The following SHANK2 variants were observed in gnomAD, a reference collection of about 807,000 sequenced individuals.
SHANK2 encodes the protein SH3 and multiple ankyrin repeat domains protein 2.
Under a neutral mutation model 133.7 loss-of-function variants are expected in SHANK2, and 43 were observed. The observed-to-expected ratio is 0.32, with a 90% CI of 0.25 to 0.41. SHANK2 has a LOEUF of 0.41. SHANK2 is among the 10% of genes least tolerant of loss of function. The probability of loss-of-function intolerance (pLI) is 1.00; values close to 1 mark genes in which losing one functional copy is unlikely to be tolerated. For missense variants in SHANK2, 1,994 were observed against 2,235.8 expected (o/e 0.89, Z 2.18); for synonymous variants, 1,017 against 952.8 (o/e 1.07, Z -1.24).
intron 15 of SHANK2, among the ~76,000 whole-genome samples, chr11:70,669,895 A>T (rs1351407894): frequency 6.6e-6 from 1 of 152,234 alleles, no homozygotes; most frequent in Non-Finnish European, 1.5e-5. Context: ...CGATCAGTGT[A>T]TCACTCACGG....
At chr11:70,885,574 C>T (rs1949726048) in intron 11 of SHANK2, among the ~76,000 whole-genome samples, 2 of 152,198 alleles carry the variant, frequency 1.3e-5, no homozygotes, top group Non-Finnish European at 2.9e-5. Flanking sequence ...AGGGGCTGCG[C>T]AGGAGGCATG....
chr11:71,200,410 G>A (rs1555116896), intron 2 of SHANK2, among the ~76,000 whole-genome samples: 3 of 152,134 alleles, frequency 2.0e-5, no homozygotes, highest in South Asian at 2.1e-4. Context: ...TATAAATAAC[G>A]CTGCCATGAG....
chr11:71,239,407 A>G (rs917734539), intron 1 of SHANK2, among the ~76,000 whole-genome samples: 12 of 152,206 alleles, frequency 7.9e-5, no homozygotes, highest in African/African-American at 2.7e-4. Context: ...TGACTGACTA[A>G]GCTACCTACA....
intron 14 of SHANK2, among the ~76,000 whole-genome samples, chr11:70,711,708 C>T (rs1248184056): frequency 6.6e-6 from 1 of 152,228 alleles, no homozygotes; most frequent in Non-Finnish European, 1.5e-5. Context: ...CTCAGAACTA[C>T]CCAACTGAGA....
chr11:70,695,629 A>C (rs1945376665), intron 15 of SHANK2, among the ~76,000 whole-genome samples: 1 of 152,158 alleles, frequency 6.6e-6, no homozygotes, highest in Non-Finnish European at 1.5e-5. Flanking sequence ...TACTGCCCAC[A>C]GATCAGGCCG....
chr11:70,761,729 C>T (rs1390372085), intron 14 of SHANK2, among the ~76,000 whole-genome samples: 1 of 152,252 alleles, frequency 6.6e-6, no homozygotes, highest in East Asian at 1.9e-4. Flanking sequence ...CTAACAAGCA[C>T]CCAGGTGACC....
At chr11:70,775,698 A>C (rs1006471383) in intron 14 of SHANK2, among the ~76,000 whole-genome samples, 2 of 152,214 alleles carry the variant, frequency 1.3e-5, no homozygotes, top group Non-Finnish European at 2.9e-5. Flanking sequence ...AGGGGGCTAC[A>C]GAGTGTCATC....
intron 10 of SHANK2, chr11:70,948,417 C>A (rs186258818): frequency 4.4e-6 from 2 of 456,292 alleles, no homozygotes; most frequent in Admixed American, 2.4e-5. Flanking sequence ...ATAATGAATT[C>A]GATCCCTGAT....
chr11:70,839,396 C>T (rs1948869826), intron 11 of SHANK2, among the ~76,000 whole-genome samples: 2 of 152,180 alleles, frequency 1.3e-5, no homozygotes, highest in Admixed American at 6.5e-5. Context: ...CGGCAGCCAG[C>T]GCAGTCTCCC....
At chr11:71,252,710 G>A (rs1422087633), upstream of SHANK2, 8 of 150,978 alleles carry the variant, frequency 5.3e-5, no homozygotes, top group Non-Finnish European at 1.2e-4. This position sits in a 1 kb window ranked among gnomAD's most constrained non-coding sequence, Gnocchi z 6.3. Context: ...CCCACGCCGC[G>A]GACCTCAGTC....
intron 20 of SHANK2, among the ~76,000 whole-genome samples, chr11:70,501,546 C>T (rs1029416834): frequency 2.4e-4 from 36 of 152,196 alleles, no homozygotes; most frequent in African/African-American, 7.5e-4. Flanking sequence ...TCAGAGCCAC[C>T]CTCTTTCCAA....
At chr11:71,086,112 GTTATA>G (rs1951404757) in intron 8 of SHANK2, among the ~76,000 whole-genome samples, 3 of 41,726 alleles carry the variant, frequency 7.2e-5, no homozygotes, top group Non-Finnish European at 1.3e-4. Flanking sequence ...AATATATTAT[GTTATA>G]TAATATATTA....
At chr11:70,783,679 A>G (rs1555045741) in intron 14 of SHANK2, among the ~76,000 whole-genome samples, 1 of 150,056 alleles carries the variant, frequency 6.7e-6, no homozygotes, top group East Asian at 2.0e-4. Context: ...GGAGCTGAGG[A>G]GGCAGAGGGG....
chr11:70,754,710 T>C (rs782175081), intron 14 of SHANK2, among the ~76,000 whole-genome samples: 3 of 152,148 alleles, frequency 2.0e-5, no homozygotes, highest in Non-Finnish European at 4.4e-5. Context: ...CTGACATTAC[T>C]TGAATACCAT....
At chr11:70,612,110 T>C (rs1349916103) in intron 17 of SHANK2, among the ~76,000 whole-genome samples, 1 of 152,040 alleles carries the variant, frequency 6.6e-6, no homozygotes, top group Non-Finnish European at 1.5e-5. Flanking sequence ...GGTGGGGAAG[T>C]TGCCTGCGAC....
At chr11:70,658,779 G>A (rs1671327747) in intron 17 of SHANK2, among the ~76,000 whole-genome samples, 1 of 152,170 alleles carries the variant, frequency 6.6e-6, no homozygotes, top group African/African-American at 2.4e-5. Context: ...GTGGAGATGT[G>A]GGCTCCTCAT....
rs782753848 is a variant in SHANK2, at chr11:70,501,965, A to G, written c.2279-34T>C. On this transcript the variant is annotated intron_variant, in intron 19 of 25. Transcript: ENST00000601538. ...AGGCCCAAAAATTCAAAACAAAACA[A>G]TGTTAGATAAACAGAAAAGAGGAAA... 4.5e-6 allele frequency: 7 copies of G among 1,552,196 alleles called. No individual in the cohort carries two copies. The South Asian group carries it at 8.3e-5, about 18-fold the overall frequency.
chr11:71,082,266 G>A (rs1166353159), intron 8 of SHANK2, among the ~76,000 whole-genome samples: 1 of 152,184 alleles, frequency 6.6e-6, no homozygotes, highest in Non-Finnish European at 1.5e-5. Flanking sequence ...TGTGCTTACC[G>A]TGACCAAGCC....
chr11:70,493,463 C>T (rs1276669913), intron 21 of SHANK2, among the ~76,000 whole-genome samples: 51 of 122,288 alleles, frequency 4.2e-4, no homozygotes, highest in Non-Finnish European at 5.2e-4. Flanking sequence ...ATTTGCAGCA[C>T]ATTTTTTTTT....
Sources: allele counts gnomAD v4.1 joint callset (sites outside exome capture counted in the v4.1 genomes callset), GRCh38; gene constraint gnomAD v4.1.1; non-coding constraint Gnocchi (gnomAD v3.1); transcripts MANE v1.5; gene names NCBI Gene and HGNC (gene_info 2026-07-23, HGNC 2026-07-21).